Variants in PODNL1 observed in about 807,000 individuals in gnomAD.
PODNL1 encodes the protein podocan-like protein 1.
In PODNL1, 50 loss-of-function variants were observed where a neutral mutation model predicts 45.1. The ratio of observed to expected loss-of-function variants is 1.11; its 90% confidence interval spans 0.88 to 1.40. The LOEUF is 1.40. PODNL1 is among the 40% of genes most tolerant of loss of function. PODNL1 has a pLI of 0.00. For missense variants in PODNL1, 788 were observed against 793.3 expected (o/e 0.99, Z 0.08); for synonymous variants, 406 against 372.5 (o/e 1.09, Z -1.04).
chr19:13,953,306 C>T (rs187432287), exon 1 of PODNL1: 2 of 598,916 alleles, frequency 3.3e-6, no homozygotes, highest in African/African-American at 2.0e-5. Context: ...GGATCTCTTG[C>T]AGGTGGGCAG....
Position 13,936,014 on chromosome 19 carries a change from G to A in PODNL1, c.350C>T (p.Thr117Ile). ...GLPDEAFESL[T>I]QLQHLCVAHN... ...AGCCACGCAGAGGTGCTGCAGCTGGGTGAGGGACTCGAAGGCCTCGTCAGG... is the reference window on the plus strand; with the variant it reads ...AGCCACGCAGAGGTGCTGCAGCTGGATGAGGGACTCGAAGGCCTCGTCAGG... The change falls in exon 4 of 10, where the codon ACC (threonine) becomes ATC (isoleucine). Residue 117 changes from threonine to isoleucine, a missense_variant. Transcript: ENST00000588872. 1.9e-6 allele frequency: 3 copies of A among 1,552,976 alleles called. No individual in the cohort carries two copies. The highest frequency in any genetic ancestry group is 2.6e-6 in the Non-Finnish European group (3 of 1,149,032).
rs367973830 is a variant in PODNL1, at chr19:13,932,946, G to A, written c.1277C>T (p.Thr426Ile). 28 of 1,563,812 alleles carry A rather than the reference G, an allele frequency of 1.8e-5. 1 individual carries two copies. The African/African-American group carries it at 3.7e-4, about 20-fold the overall frequency. The change falls in exon 8 of 10, where the codon ACC (threonine) becomes ATC (isoleucine). Residue 426 changes from threonine (T) to isoleucine (I), a missense_variant. Physicochemically the swap from Thr to Ile is moderately conservative, Grantham distance 89. Around this residue, in one of 3 missense-constraint regions of PODNL1, gnomAD observed 762 missense variants for 750.9 expected, o/e 1.01. Coordinates refer to ENST00000588872, the MANE Select transcript of PODNL1 (RefSeq NM_001370095.3). Reference protein sequence around the residue: ...LPMGLPTGLRTLQLQRNQLRM... With the variant: ...LPMGLPTGLRILQLQRNQLRM... ...CAGCTGGTTGCGTTGCAGCTGCAGG[G>A]TGCGCAGGCCAGTGGGCAGGCCCAT...
At chr19:13,947,368 C>G (rs1972857345) in intron 1 of PODNL1, among the ~76,000 whole-genome samples, 1 of 149,880 alleles carries the variant, frequency 6.7e-6, no homozygotes, top group African/African-American at 2.5e-5. Flanking sequence ...GTAATGCCAG[C>G]TATTTGGGAG....
In PODNL1 at chr19:13,934,267, C is replaced by T. The variant is rs865917764; in HGVS notation, c.638G>A (p.Arg213Gln). ...LPPSLPPSLE[R>Q]LHLQNNLISK... Reference sequence around the variant, plus strand: ...CAGCAGGGCTACCTGCAGGTGGAGCCGCTCGAGTGAGGGCGGCAGGCTGGG... The same window carrying T: ...CAGCAGGGCTACCTGCAGGTGGAGCTGCTCGAGTGAGGGCGGCAGGCTGGG... The change falls in exon 6 of 10, where the codon CGG becomes CAG. Residue 213 changes from arginine (R) to glutamine (Q), a missense_variant. This residue lies in a region of PODNL1 where 762 missense variants were observed against 750.9 expected (regional missense o/e 1.01). Coordinates refer to ENST00000588872, the MANE Select transcript of PODNL1 (RefSeq NM_001370095.3). 3 of 1,512,120 alleles carry T rather than the reference C, an allele frequency of 2.0e-6. No individual in the cohort carries two copies. Among genetic ancestry groups the T allele is most frequent in the Non-Finnish European group, 1.8e-6 (2 of 1,132,708 alleles). 93.7% of individuals were successfully genotyped at this position (1,512,120 alleles called of 1,614,324 possible). A position where few individuals can be genotyped will look rare whatever the true frequency, so the allele number is the denominator to read the frequency against.
At position 13,933,544 on chromosome 19, in the gene PODNL1, G is replaced by A. The variant is rs1010240692; in HGVS notation, c.768-89C>T. On this transcript the variant is annotated intron_variant, in intron 7 of 9. Transcript: ENST00000588872. This position sits in a 1 kb window ranked among gnomAD's most constrained non-coding sequence, Gnocchi z 5.2. ...CGGGGAGGCTGGGGAGTGGTCCTGA[G>A]ACAGATTTAAGCTGGAGATTTTGAC... The A allele has an allele frequency of 1.5e-6, 2 of 1,364,608 alleles. No individual in the cohort carries two copies. Among genetic ancestry groups the A allele is most frequent in the African/African-American group, 2.9e-5 (2 of 69,218 alleles). 84.5% of individuals were successfully genotyped at this position (1,364,608 alleles called of 1,614,324 possible).
chr19:13,932,098 G>A lies in PODNL1; in HGVS notation c.1440C>T (p.Ser480=), dbSNP rs1270722533. 13 of 1,233,176 alleles carry A rather than the reference G, an allele frequency of 1.1e-5. No individual in the cohort carries two copies. The highest frequency in any genetic ancestry group is 7.1e-6 in the Non-Finnish European group (7 of 988,866). 76.4% of individuals were successfully genotyped at this position (1,233,176 alleles called of 1,614,324 possible). A position where few individuals can be genotyped will look rare whatever the true frequency, so the allele number is the denominator to read the frequency against. The change falls in exon 9 of 10, where the codon AGC becomes AGT. Residue 480 remains serine (S), a synonymous_variant. Coordinates refer to ENST00000588872, the MANE Select transcript of PODNL1 (RefSeq NM_001370095.3). ...GGGGCACAAAGGACAGCTCATTGTG[G>A]CTGAGGTCCAGCATCTGGGCAGGGG... ...ELQALQMLDL[S]HNELSFVPPD...
In PODNL1 at chr19:13,937,846, C is replaced by A. The variant is rs1183056959; in HGVS notation, c.164G>T (p.Gly55Val). 1.3e-6 allele frequency: 2 copies of A among 1,594,844 alleles called. No homozygotes were observed. Among genetic ancestry groups the A allele is most frequent in the East Asian group, 2.3e-5 (1 of 44,210 alleles). The change falls in exon 2 of 10, where the codon GGC becomes GTC. Residue 55 changes from glycine (G) to valine (V), a missense_variant. Transcript: ENST00000588872. ...CPRVDTVDCDGLDLRVFPDNI... is the reference protein window; with the variant it reads ...CPRVDTVDCDVLDLRVFPDNI... ...GTCCGGGAACACTCGAAGGTCCAAG[C>A]CATCACAGTCCACAGTGTCGACTCG...
intron 3 of PODNL1, 25 bp from the exon 4 acceptor site, chr19:13,936,069 G>A: frequency 6.5e-7 from 1 of 1,542,140 alleles, no homozygotes; most frequent in Non-Finnish European, 8.8e-7. Flanking sequence ...GGGCAGTGAA[G>A]GGACCCCAGG....
At chr19:13,936,216 C>A in intron 3 of PODNL1, 151 bp downstream of exon 3, 4 of 953,010 alleles carry the variant, frequency 4.2e-6, no homozygotes, top group Non-Finnish European at 4.8e-6. Context: ...CAACCCCCAC[C>A]CCAGCTCCTG....
chr19:13,948,608 C>A (rs190358838), intron 1 of PODNL1, among the ~76,000 whole-genome samples: 64 of 150,834 alleles, frequency 4.2e-4, no homozygotes, highest in African/African-American at 1.5e-3. Flanking sequence ...CCTCATCCCC[C>A]AAGACCATTC....
chr19:13,934,478 C>A, intron 5 of PODNL1, 68 bp from the exon 6 acceptor site: 1 of 1,423,094 alleles, frequency 7.0e-7, no homozygotes, highest in Non-Finnish European at 9.2e-7. Context: ...CCGCACCACA[C>A]CCTGCTCAGG....
chr19:13,943,714 A>G (rs8107202), intron 1 of PODNL1, among the ~76,000 whole-genome samples: 11,775 of 152,034 alleles, frequency 0.077, 1,318 homozygotes, highest in African/African-American at 0.25. Context: ...CACCTGCCTC[A>G]GCCTCCCAAA....
At chr19:13,943,881 A>C (rs1248962370) in intron 1 of PODNL1, among the ~76,000 whole-genome samples, 1 of 152,112 alleles carries the variant, frequency 6.6e-6, no homozygotes, top group Non-Finnish European at 1.5e-5. Flanking sequence ...CTGTTTTCCA[A>C]ATCAGGTCAC....
chr19:13,952,551 T>G, intron 1 of PODNL1: 4 of 1,262,124 alleles, frequency 3.2e-6, no homozygotes, highest in Non-Finnish European at 4.0e-6. Flanking sequence ...ACAGCGGGGC[T>G]GGGAGCGGCG....
At position 13,938,261 on chromosome 19, in the gene PODNL1, C is replaced by A. The variant is rs1972515725; in HGVS notation, c.-80G>T. 1.3e-6 allele frequency: 2 copies of A among 1,547,686 alleles called. No individual in the cohort carries two copies. The highest frequency in any genetic ancestry group is 1.7e-6 in the Non-Finnish European group (2 of 1,149,410). On this transcript the variant is annotated 5_prime_UTR_variant, in exon 1 of 10. Coordinates refer to ENST00000588872, the MANE Select transcript of PODNL1 (RefSeq NM_001370095.3). ...GAAACCAGGCGGTCACCTCCTGGAG[C>A]CTCTGCTGTGGCCACCACCGCCCCC...
At chr19:13,943,989 GA>G (rs1210260238) in intron 1 of PODNL1, among the ~76,000 whole-genome samples, 2 of 151,706 alleles carry the variant, frequency 1.3e-5, no homozygotes, top group Admixed American at 6.6e-5. Context: ...AATCTTGTGG[GA>G]AAAAAAATTG....
intron 1 of PODNL1, among the ~76,000 whole-genome samples, chr19:13,947,922 G>A (rs926834113): frequency 2.6e-5 from 4 of 152,046 alleles, no homozygotes; most frequent in East Asian, 1.9e-4. Flanking sequence ...GCAGTGGTGC[G>A]ATCATGGCTC....
In PODNL1 at chr19:13,932,827, C is replaced by G. The variant is rs1323031221; in HGVS notation, c.1396G>C (p.Gly466Arg). 6.2e-7 allele frequency: 1 copy of G among 1,612,836 alleles called. No individual in the cohort carries two copies. Among genetic ancestry groups the G allele is most frequent in the Non-Finnish European group, 8.5e-7 (1 of 1,180,000 alleles). ...AGGGCTTGGAGCTCATGCCAGGTGC[C>G]TGGCCCGATGTCGCCGACCCGGAGC... ...NRLRVGDIGPGTWHELQALQM... is the reference protein window; with the variant it reads ...NRLRVGDIGPRTWHELQALQM... The change falls in exon 8 of 10, where the codon GGC becomes CGC. Residue 466 changes from glycine (G) to arginine (R), a missense_variant. By Grantham distance (125) the Gly-to-Arg change is moderately radical (BLOSUM62 -2). This residue lies in a region of PODNL1 where 762 missense variants were observed against 750.9 expected (regional missense o/e 1.01). Transcript: ENST00000588872.
At chr19:13,937,758 G>GC in intron 2 of PODNL1, 27 bp downstream of exon 2, 2 of 1,550,812 alleles carry the variant, frequency 1.3e-6, no homozygotes, top group Non-Finnish European at 1.7e-6. Flanking sequence ...AGCCCTGCAT[G>GC]CCCCCACTCC....
Sources: gnomAD v4.1 joint callset for allele counts (sites outside exome capture counted in the v4.1 genomes callset) on GRCh38, gnomAD v4.1.1 for gene constraint, gnomAD v4.1.1 regional missense constraint, Gnocchi (gnomAD v3.1) non-coding constraint, MANE v1.5 for transcripts, NCBI Gene and HGNC (gene_info 2026-07-23, HGNC 2026-07-21) for gene names.